ZSCAN23: variants seen among roughly 807,000 people sequenced by gnomAD.
The protein encoded by ZSCAN23 is zinc finger and SCAN domain-containing protein 23.
ZSCAN23 carries 19 observed loss-of-function variants against 19.3 expected under a neutral mutation model. That is an observed-to-expected ratio of 0.99 (90% CI 0.69 to 1.45). The LOEUF (loss-of-function observed/expected upper bound fraction) is 1.45. Among genes scored for constraint, ZSCAN23 ranks in the 40% most tolerant of loss-of-function variants. ZSCAN23 has a pLI of 0.00. For synonymous variants in ZSCAN23, 140 were observed against 166.2 expected (o/e 0.84, Z 1.21); for missense variants, 372 against 462.5 (o/e 0.80, Z 1.79).
rs1761834016 is a variant in ZSCAN23, at chr6:28,434,627, A to T, written c.1008T>A (p.Asn336Lys). The T allele has an allele frequency of 1.3e-6, 2 of 1,559,868 alleles. No homozygotes were observed. Among genetic ancestry groups the T allele is most frequent in the Non-Finnish European group, 1.7e-6 (2 of 1,151,836 alleles). Residue 336 changes from asparagine (N) to lysine (K), a missense_variant, in exon 4 of 4, where the codon AAT (asparagine) becomes AAA (lysine). By Grantham distance (94) the Asn-to-Lys change is moderately conservative. Coordinates refer to ENST00000289788, the MANE Select transcript of ZSCAN23 (RefSeq NM_001012455.2). The part of the protein sequence containing the change: ...IHTGEKPYQC[N>K]QCNKSFSRRS... Reference sequence around the variant, plus strand: ...GTCGACTAAAACTCTTATTGCACTGATTGCACTGGTAAGGCTTCTCCCCAG... The same window carrying T: ...GTCGACTAAAACTCTTATTGCACTGTTTGCACTGGTAAGGCTTCTCCCCAG...
the ZSCAN23 span, among the ~76,000 whole-genome samples, chr6:28,423,966 T>C: frequency 6.6e-6 from 1 of 152,228 alleles, no homozygotes; most frequent in Non-Finnish European, 1.5e-5. Flanking sequence ...TAAGACACTA[T>C]TAGCTTTTAG....
At chr6:28,428,164 A>G (rs1761693905), downstream of ZSCAN23, among the ~76,000 whole-genome samples, 2 of 152,200 alleles carry the variant, frequency 1.3e-5, no homozygotes, top group South Asian at 4.1e-4. Context: ...TGATGACATC[A>G]GCTTTCACCT....
intron 1 of ZSCAN23, among the ~76,000 whole-genome samples, chr6:28,441,455 T>G (rs1353719143): frequency 1.3e-5 from 2 of 152,262 alleles, no homozygotes; most frequent in Admixed American, 1.3e-4. Flanking sequence ...CTTGCCTTCT[T>G]CCCTTATTCG....
chr6:28,422,685 G>A, the ZSCAN23 span, among the ~76,000 whole-genome samples: 1 of 150,714 alleles, frequency 6.6e-6, no homozygotes, highest in Non-Finnish European at 1.5e-5. This position sits in a 1 kb window ranked among gnomAD's most constrained non-coding sequence, Gnocchi z 4.0. Flanking sequence ...ACCATGCAAG[G>A]TAACATGAGT....
the ZSCAN23 span, among the ~76,000 whole-genome samples, chr6:28,426,033 C>T: frequency 6.6e-6 from 1 of 152,208 alleles, no homozygotes; most frequent in African/African-American, 2.4e-5. Flanking sequence ...AAAGTTAGGA[C>T]CCTGCTGTGG....
chr6:28,424,758 G>C, the ZSCAN23 span, among the ~76,000 whole-genome samples: 7 of 152,296 alleles, frequency 4.6e-5, no homozygotes, highest in African/African-American at 1.7e-4. Flanking sequence ...TCTAATTCTA[G>C]TTCTCTTGCT....
Position 28,434,860 on chromosome 6 carries a change from T to C in ZSCAN23, c.775A>G (p.Thr259Ala), listed in dbSNP as rs1175701920. The change falls in exon 4 of 4, where the codon ACC becomes GCC. Residue 259 changes from threonine (T) to alanine (A), a missense_variant. Physicochemically the swap from Thr to Ala is moderately conservative, Grantham distance 58 (BLOSUM62 0). Coordinates refer to ENST00000289788, the MANE Select transcript of ZSCAN23 (RefSeq NM_001012455.2). ...YICSECGKSF[T>A]QNSILIEHQR... ...TGCTCGATAAGGATGGAATTCTGGG[T>C]GAAGCTTTTTCCACATTCACTACAG... 3.8e-6 allele frequency: 6 copies of C among 1,569,786 alleles called. No homozygotes were observed. The highest frequency in any genetic ancestry group is 1.4e-5 in the African/African-American group (1 of 73,672).
chr6:28,431,053 C>A (rs1761751280), downstream of ZSCAN23, among the ~76,000 whole-genome samples: 1 of 142,856 alleles, frequency 7.0e-6, no homozygotes, highest in African/African-American at 2.6e-5. Flanking sequence ...ATAGGTTAAT[C>A]TTAGGTAACT....
Position 28,434,678 on chromosome 6 carries a change from C to T in ZSCAN23, c.957G>A (p.Gly319=). Residue 319 remains glycine, a synonymous_variant, in exon 4 of 4, where the codon GGG becomes GGA. Coordinates refer to ENST00000289788, the MANE Select transcript of ZSCAN23 (RefSeq NM_001012455.2). The part of the protein sequence containing the change: ...VCGKAFSQNA[G]LFHHLRIHTG... ...TGTGAATTCTGAGGTGATGGAAAAGCCCGGCATTCTGGCTGAAGGCTTTGC... is the reference window on the plus strand; with the variant it reads ...TGTGAATTCTGAGGTGATGGAAAAGTCCGGCATTCTGGCTGAAGGCTTTGC... 1 of 1,575,264 alleles carries T rather than the reference C, an allele frequency of 6.3e-7. No individual in the cohort carries two copies. The highest frequency in any genetic ancestry group is 8.6e-7 in the Non-Finnish European group (1 of 1,160,296).
Position 28,436,064 on chromosome 6 carries a change from CT to C in ZSCAN23, c.202del (p.Arg68AspfsTer10). 1 of 1,614,210 alleles carries C rather than the reference CT, an allele frequency of 6.2e-7. No individual in the cohort carries two copies. Among genetic ancestry groups the C allele is most frequent in the Non-Finnish European group, 8.5e-7 (1 of 1,180,018 alleles). ...ESPGPREALQ[R>X]LQELCHQWLR... is the part of the protein sequence containing the mutation. ...CCACTGATGGCAGAGCTCCTGGAGT[CT>C]TTGAAGAGCCTCCCGGGGCCCAGGG... On this transcript the variant is annotated frameshift_variant, in exon 2 of 4. Coordinates refer to ENST00000289788, the MANE Select transcript of ZSCAN23 (RefSeq NM_001012455.2). LOFTEE classifies it high-confidence loss of function.
intron 1 of ZSCAN23, among the ~76,000 whole-genome samples, chr6:28,439,100 CA>C (rs1761951710): frequency 6.6e-6 from 1 of 151,664 alleles, no homozygotes; most frequent in Non-Finnish European, 1.5e-5. Flanking sequence ...TGTTTTCCCC[CA>C]CTTTTTTTTT....
intron 1 of ZSCAN23, among the ~76,000 whole-genome samples, chr6:28,441,716 A>T (rs1394116359): frequency 2.0e-5 from 3 of 151,962 alleles, no homozygotes; most frequent in African/African-American, 7.3e-5. Context: ...ACAGTCTTAA[A>T]TACTGGAATG....
chr6:28,442,340 T>C (rs1044003284), intron 1 of ZSCAN23, among the ~76,000 whole-genome samples: 5 of 152,232 alleles, frequency 3.3e-5, no homozygotes, highest in African/African-American at 9.7e-5. Flanking sequence ...CATATAAACA[T>C]GCAAATTAAT....
At chr6:28,422,104 T>C in the ZSCAN23 span, among the ~76,000 whole-genome samples, 1 of 152,066 alleles carries the variant, frequency 6.6e-6, no homozygotes, top group Non-Finnish European at 1.5e-5. The surrounding 1 kb of genome is among the most constrained non-coding windows in gnomAD (Gnocchi z 4.0). Flanking sequence ...TGAGTAGAGT[T>C]GTAAGTGAAA....
downstream of ZSCAN23, chr6:28,432,074 C>A (rs371014527): frequency 5.9e-5 from 9 of 152,232 alleles, no homozygotes; most frequent in East Asian, 1.5e-3. Flanking sequence ...ATATAATTCA[C>A]AATTATCTTT....
the ZSCAN23 span, among the ~76,000 whole-genome samples, chr6:28,426,032 A>C: frequency 6.6e-6 from 1 of 152,122 alleles, no homozygotes; most frequent in African/African-American, 2.4e-5. Context: ...GAAAGTTAGG[A>C]CCCTGCTGTG....
chr6:28,428,045 C>T (rs1446624769), downstream of ZSCAN23, among the ~76,000 whole-genome samples: 1 of 152,188 alleles, frequency 6.6e-6, no homozygotes. Flanking sequence ...CATTGCACTC[C>T]AGCATGGGCA....
chr6:28,436,045 A>G lies in ZSCAN23; in HGVS notation c.222T>C (p.His74=). 4 of 1,614,214 alleles carry G rather than the reference A, an allele frequency of 2.5e-6. No individual in the cohort carries two copies. The highest frequency in any genetic ancestry group is 3.4e-6 in the Non-Finnish European group (4 of 1,180,034). The change falls in exon 2 of 4, where the codon CAT becomes CAC. Residue 74 remains histidine, a synonymous_variant. Coordinates refer to ENST00000289788, the MANE Select transcript of ZSCAN23 (RefSeq NM_001012455.2). ...TGTGCATCTCTGGTCTCAGCCACTG[A>G]TGGCAGAGCTCCTGGAGTCTTTGAA... ...EALQRLQELC[H]QWLRPEMHTK...
At chr6:28,442,241 A>G (rs562482325) in intron 1 of ZSCAN23, among the ~76,000 whole-genome samples, 53 of 152,214 alleles carry the variant, frequency 3.5e-4, no homozygotes, top group Non-Finnish European at 6.5e-4. Flanking sequence ...TCAAGCTCAT[A>G]TATGAAATGA....
Sources: gnomAD v4.1 joint callset for allele counts (sites outside exome capture counted in the v4.1 genomes callset) on GRCh38, gnomAD v4.1.1 for gene constraint, Gnocchi (gnomAD v3.1) non-coding constraint, MANE v1.5 for transcripts, NCBI Gene and HGNC (gene_info 2026-07-23, HGNC 2026-07-21) for gene names.